RCOR1: variants seen among roughly 807,000 people sequenced by gnomAD.
RCOR1 encodes the protein REST corepressor 1.
RCOR1 carries 12 observed loss-of-function variants against 64.0 expected under a neutral mutation model. The observed-to-expected ratio is 0.19, with a 90% confidence interval of 0.12 to 0.30. RCOR1 has a LOEUF of 0.30. RCOR1 is among the 10% of genes least tolerant of loss of function. The pLI is 1.00. For synonymous variants in RCOR1, 279 were observed against 227.2 expected (o/e 1.23, Z -2.05); for missense variants, 502 against 621.2 (o/e 0.81, Z 2.04).
intron 3 of RCOR1, among the ~76,000 whole-genome samples, chr14:102,685,139 AAAG>A (rs2139964117): frequency 6.6e-6 from 1 of 152,002 alleles, no homozygotes; most frequent in Non-Finnish European, 1.5e-5. Context: ...AGGGTTACTG[AAAG>A]CTTATAAAGT....
intron 2 of RCOR1, among the ~76,000 whole-genome samples, chr14:102,607,355 C>T (rs1284269672): frequency 6.6e-6 from 1 of 152,176 alleles, no homozygotes; most frequent in Non-Finnish European, 1.5e-5. Flanking sequence ...TTGTCTCTTG[C>T]TTTCCTTATA....
intron 2 of RCOR1, among the ~76,000 whole-genome samples, chr14:102,629,821 T>A (rs536445001): frequency 6.6e-6 from 1 of 152,322 alleles, no homozygotes; most frequent in South Asian, 2.1e-4. Flanking sequence ...ATAACAATCC[T>A]ACACCACACA....
At chr14:102,626,191 T>G (rs1255645098) in intron 2 of RCOR1, among the ~76,000 whole-genome samples, 1 of 152,208 alleles carries the variant, frequency 6.6e-6, no homozygotes, top group Non-Finnish European at 1.5e-5. Context: ...TTCCAGTCAT[T>G]AGAACACAAC....
At chr14:102,651,479 G>A (rs562745712) in intron 2 of RCOR1, among the ~76,000 whole-genome samples, 1 of 151,756 alleles carries the variant, frequency 6.6e-6, no homozygotes, top group East Asian at 1.9e-4. Flanking sequence ...CTTGAACCTG[G>A]AAGGCAGAGG....
At chr14:102,661,308 G>A (rs191205753) in intron 2 of RCOR1, among the ~76,000 whole-genome samples, 5 of 152,050 alleles carry the variant, frequency 3.3e-5, no homozygotes, top group Admixed American at 1.3e-4. Flanking sequence ...AGATTGTGCC[G>A]CTGCACTCCA....
chr14:102,694,392 G>A (rs2139972416), intron 3 of RCOR1, among the ~76,000 whole-genome samples: 1 of 152,254 alleles, frequency 6.6e-6, no homozygotes, highest in African/African-American at 2.4e-5. Flanking sequence ...CAGTAGCTGG[G>A]ACTATAGGCA....
rs763366058 is a variant in RCOR1, at chr14:102,707,506, A to G, written c.654A>G (p.Gln218=). ...ATGGGAAAACTTTTCATAGAATCCAACAAATGGTAAGTAGATGAGACCACT... is the reference window on the plus strand; with the variant it reads ...ATGGGAAAACTTTTCATAGAATCCAGCAAATGGTAAGTAGATGAGACCACT... ...SFHGKTFHRI[Q]QMLPDKSIAS... Residue 218 remains glutamine, a synonymous_variant, in exon 5 of 12, where the codon CAA becomes CAG. Transcript: ENST00000262241. 7 of 1,603,942 alleles carry G rather than the reference A, an allele frequency of 4.4e-6. No individual in the cohort carries two copies. In the East Asian group the frequency reaches 1.3e-4, roughly 31 times the overall value.
intron 2 of RCOR1, among the ~76,000 whole-genome samples, chr14:102,617,227 T>G (rs1893779754): frequency 6.6e-6 from 1 of 152,220 alleles, no homozygotes; most frequent in South Asian, 2.1e-4. Context: ...CGTTGACTGT[T>G]TAATTGTAAA....
intron 3 of RCOR1, among the ~76,000 whole-genome samples, chr14:102,699,193 G>A (rs1159072278): frequency 6.6e-6 from 1 of 152,162 alleles, no homozygotes; most frequent in Non-Finnish European, 1.5e-5. Context: ...CCTCTGCCCT[G>A]CTTTTTAAAA....
intron 3 of RCOR1, among the ~76,000 whole-genome samples, chr14:102,698,792 G>T (rs1428088456): frequency 6.6e-6 from 1 of 152,100 alleles, no homozygotes; most frequent in African/African-American, 2.4e-5. Flanking sequence ...TTCTGGCCAG[G>T]TATACAGAAC....
intron 7 of RCOR1, among the ~76,000 whole-genome samples, chr14:102,713,327 C>T (rs1169714481): frequency 5.4e-5 from 8 of 147,338 alleles, no homozygotes; most frequent in Admixed American, 4.8e-4. Flanking sequence ...GGTGCAATCT[C>T]GGCTCACTGC....
chr14:102,706,822 A>AAATAAT (rs57117799), intron 4 of RCOR1, among the ~76,000 whole-genome samples: 80 of 150,384 alleles, frequency 5.3e-4, no homozygotes, highest in African/African-American at 1.7e-3. Flanking sequence ...ACCCTGTCTC[A>AAATAAT]AATAATAATA....
At chr14:102,726,403 A>C in intron 11 of RCOR1, 65 bp from the exon 12 acceptor site, 1 of 1,432,286 alleles carries the variant, frequency 7.0e-7, no homozygotes, top group Non-Finnish European at 9.6e-7. Context: ...TACACTGGAA[A>C]TAGCAGCTTG....
chr14:102,650,197 CAAA>C (rs35233018), intron 2 of RCOR1, among the ~76,000 whole-genome samples: 16 of 83,768 alleles, frequency 1.9e-4, no homozygotes, highest in Admixed American at 1.4e-4. Flanking sequence ...GACTCCACCG[CAAA>C]AAAAAAAAAA....
chr14:102,655,145 T>A (rs1457310320), intron 2 of RCOR1: 1 of 403,868 alleles, frequency 2.5e-6, no homozygotes, highest in African/African-American at 2.2e-5. Context: ...TAAGCTAAAT[T>A]TTGTTGAATA....
chr14:102,719,118 T>C (rs918103021), intron 8 of RCOR1, among the ~76,000 whole-genome samples: 19 of 152,072 alleles, frequency 1.2e-4, no homozygotes, highest in South Asian at 4.1e-4. Flanking sequence ...GGTCTGGCAC[T>C]GTCACCCAGG....
intron 2 of RCOR1, among the ~76,000 whole-genome samples, chr14:102,599,252 G>A (rs1893335305): frequency 6.6e-6 from 1 of 151,440 alleles, no homozygotes; most frequent in African/African-American, 2.4e-5. Context: ...ACTTTACCTC[G>A]AAAGTAGCTG....
chr14:102,708,613 C>T, intron 6 of RCOR1, 30 bp downstream of exon 6: 2 of 1,245,682 alleles, frequency 1.6e-6, no homozygotes, highest in Non-Finnish European at 2.4e-6. Context: ...GTTGTCTAAC[C>T]ACTTAGGGGA....
At chr14:102,672,358 C>T (rs766548994) in intron 2 of RCOR1, among the ~76,000 whole-genome samples, 4 of 151,976 alleles carry the variant, frequency 2.6e-5, no homozygotes, top group East Asian at 1.9e-4. Flanking sequence ...TACAGGCGCC[C>T]GCCACCACAC....
Sources: gnomAD v4.1 joint callset for allele counts (sites outside exome capture counted in the v4.1 genomes callset) on GRCh38, gnomAD v4.1.1 for gene constraint, MANE v1.5 for transcripts, NCBI Gene and HGNC (gene_info 2026-07-23, HGNC 2026-07-21) for gene names.